Variants in CEP295 observed in about 807,000 individuals in gnomAD.
The protein encoded by CEP295 is centrosomal protein of 295 kDa.
In CEP295, 190 loss-of-function variants were observed where a neutral mutation model predicts 291.6. That is an observed-to-expected ratio of 0.65 (90% CI 0.58 to 0.73). The LOEUF (loss-of-function observed/expected upper bound fraction) is 0.73. Among genes scored for constraint, CEP295 ranks in the 30% least tolerant of loss-of-function variants. CEP295 has a pLI of 0.00. For synonymous variants in CEP295, 993 were observed against 1,038.8 expected, an observed-to-expected ratio of 0.96 and a Z score of 0.85; for missense variants, 2,863 against 2,949.4, an observed-to-expected ratio of 0.97 and a Z score of 0.68.
At chr11:93,713,546 A>G (rs1429136748) in intron 18 of CEP295, among the ~76,000 whole-genome samples, 1 of 152,088 alleles carries the variant, frequency 6.6e-6, no homozygotes, top group Non-Finnish European at 1.5e-5. Context: ...TTGGAGCTCC[A>G]TTGTATATTA....
chr11:93,662,224 C>G (rs191366629), intron 1 of CEP295, among the ~76,000 whole-genome samples: 13 of 152,366 alleles, frequency 8.5e-5, no homozygotes, highest in African/African-American at 2.6e-4. Flanking sequence ...AATCCTGTCA[C>G]AAACTCAACT....
intron 1 of CEP295, among the ~76,000 whole-genome samples, chr11:93,665,328 AT>A (rs916522318): frequency 9.2e-5 from 14 of 152,312 alleles, no homozygotes; most frequent in African/African-American, 3.4e-4. Flanking sequence ...TATTTATTCC[AT>A]TTCTTTTTGC....
rs1468892946 is a variant in CEP295, at chr11:93,729,322, G to A, written c.7303-112G>A. The A allele has an allele frequency of 1.1e-4, 82 of 730,036 alleles. No homozygotes were observed. In the Admixed American group the frequency reaches 1.9e-3, roughly 17 times the overall value. 45.2% of individuals were successfully genotyped at this position (730,036 alleles called of 1,614,324 possible). A position where few individuals can be genotyped will look rare whatever the true frequency, so the allele number is the denominator to read the frequency against. ...GGCGGGTCTCTGTAGACCCAGCTAA[G>A]ATTGAGGCTGCAGTGAGGTGTGATC... On this transcript the variant is annotated intron_variant, in intron 25 of 29. Coordinates refer to ENST00000325212, the MANE Select transcript of CEP295 (RefSeq NM_033395.2).
intron 5 of CEP295, 129 bp downstream of exon 5, chr11:93,669,899 G>T: frequency 1.7e-6 from 1 of 598,576 alleles, no homozygotes; most frequent in Non-Finnish European, 3.0e-6. Context: ...ACTTGTACAG[G>T]AGTATATCTG....
intron 10 of CEP295, 92 bp from the exon 11 acceptor site, chr11:93,691,591 G>A: frequency 1.3e-6 from 1 of 771,098 alleles, no homozygotes; most frequent in Non-Finnish European, 2.2e-6. Flanking sequence ...GATGGCCCTA[G>A]ATTGAATGTG....
rs535171330 is a variant in CEP295 at position 93,689,290 on chromosome 11, C to T, written c.1336+1425C>T. 2.0e-5 allele frequency among the ~76,000 whole-genome samples: 3 copies of T among 152,260 alleles called. No homozygotes were observed. The South Asian group carries it at 6.2e-4, about 32-fold the overall frequency. ...AAAACCAGAGAGTTTATAGTGGTTT[C>T]AAAGCCTTATGTGACCTGCACACAT... On this transcript the variant is annotated intron_variant, in intron 10 of 29. Coordinates refer to ENST00000325212, the MANE Select transcript of CEP295 (RefSeq NM_033395.2).
intron 1 of CEP295, among the ~76,000 whole-genome samples, chr11:93,665,115 CT>C (rs1462084731): frequency 1.3e-5 from 2 of 152,126 alleles, no homozygotes; most frequent in East Asian, 3.9e-4. Flanking sequence ...CTTAAGCCAG[CT>C]TTAGAAAGAT....
At chr11:93,684,413 A>G (rs1016182938) in intron 9 of CEP295, among the ~76,000 whole-genome samples, 1 of 152,156 alleles carries the variant, frequency 6.6e-6, no homozygotes, top group African/African-American at 2.4e-5. Context: ...TGCATGGTAA[A>G]CATATCTGAT....
In CEP295 at chr11:93,729,465, C is replaced by T; in HGVS notation, c.7334C>T (p.Thr2445Ile). 3.2e-6 allele frequency: 5 copies of T among 1,551,886 alleles called. No homozygotes were observed. The highest frequency in any genetic ancestry group is 3.5e-6 in the Non-Finnish European group (4 of 1,146,956). Residue 2445 changes from threonine (T) to isoleucine (I), a missense_variant, in exon 26 of 30, where the codon ACA becomes ATA. Coordinates refer to ENST00000325212, the MANE Select transcript of CEP295 (RefSeq NM_033395.2). Reference sequence around the variant, plus strand: ...GAGTTTCTGCCTCTTGTATCAGCAACAGAAGCCTCAGATTATCCAGCTGTA... The same window carrying T: ...GAGTTTCTGCCTCTTGTATCAGCAATAGAAGCCTCAGATTATCCAGCTGTA... ...VSEFLPLVSATEASDYPAVSE... is the reference protein window; with the variant it reads ...VSEFLPLVSAIEASDYPAVSE...
intron 18 of CEP295, among the ~76,000 whole-genome samples, chr11:93,713,444 G>C (rs1032480949): frequency 6.6e-6 from 1 of 152,084 alleles, no homozygotes. Flanking sequence ...CTTTACTTTT[G>C]AAGGATATTT....
intron 22 of CEP295, 75 bp from the exon 23 acceptor site, chr11:93,725,576 A>G (rs563367196): frequency 3.2e-5 from 39 of 1,219,022 alleles, no homozygotes; most frequent in Admixed American, 1.6e-4. Context: ...GTAATACCAA[A>G]GGAACACAAT....
rs1405845860 is a variant in CEP295 at position 93,730,319 on chromosome 11, G to A, written c.*50G>A. 7.9e-7 allele frequency: 1 copy of A among 1,259,526 alleles called. No homozygotes were observed. The highest frequency in any genetic ancestry group is 1.5e-5 in the African/African-American group (1 of 66,642). The allele number at this position is 1,259,526 out of a possible 1,614,324, so 78.0% of individuals were successfully genotyped here. On this transcript the variant is annotated 3_prime_UTR_variant, in exon 30 of 30. Coordinates refer to ENST00000325212, the MANE Select transcript of CEP295 (RefSeq NM_033395.2). ...TTTTAATTGTGTATATGTAGCATTA[G>A]ACAAAATTATTTAAAGTCAATAAAT...
At chr11:93,665,363 G>A (rs1256657844) in intron 1 of CEP295, among the ~76,000 whole-genome samples, 1 of 152,164 alleles carries the variant, frequency 6.6e-6, no homozygotes, top group Non-Finnish European at 1.5e-5. Flanking sequence ...ATAGGAGCAT[G>A]TTATAATCTA....
chr11:93,706,694 T>G (rs1591093980), intron 17 of CEP295, 51 bp from the exon 18 acceptor site: 3 of 1,443,400 alleles, frequency 2.1e-6, no homozygotes, highest in Non-Finnish European at 2.8e-6. Context: ...ACTTTAGTTC[T>G]AGCTATTAAT....
intron 19 of CEP295, chr11:93,721,708 A>G (rs547848947): frequency 2.8e-6 from 2 of 706,090 alleles, no homozygotes; most frequent in Non-Finnish European, 5.2e-6. Flanking sequence ...GTGTACGCAC[A>G]TGTGTTTATA....
intron 17 of CEP295, among the ~76,000 whole-genome samples, chr11:93,704,731 C>T (rs1952409670): frequency 6.6e-6 from 1 of 152,082 alleles, no homozygotes; most frequent in Non-Finnish European, 1.5e-5. Context: ...TAGCCTTTAC[C>T]ATACTTCTTA....
chr11:93,714,515 C>G (rs1370125259), intron 18 of CEP295, among the ~76,000 whole-genome samples: 1 of 152,228 alleles, frequency 6.6e-6, no homozygotes, highest in Non-Finnish European at 1.5e-5. Flanking sequence ...TCCCAAAATG[C>G]TGGGATTACA....
intron 6 of CEP295, among the ~76,000 whole-genome samples, chr11:93,678,758 A>T (rs1950821102): frequency 6.6e-6 from 1 of 152,176 alleles, no homozygotes; most frequent in Admixed American, 6.5e-5. Context: ...TTAAAAAAAA[A>T]AGTAAATCCA....
chr11:93,695,747 A>C lies in CEP295; in HGVS notation c.1671+113A>C. ...AATGGATGGCTGGGCGCGGTGGCTCATGCCTGTAATCTCAGCACTTTGGGT... is the reference window on the plus strand; with the variant it reads ...AATGGATGGCTGGGCGCGGTGGCTCCTGCCTGTAATCTCAGCACTTTGGGT... On this transcript the variant is annotated intron_variant, in intron 13 of 29. Coordinates refer to ENST00000325212, the MANE Select transcript of CEP295 (RefSeq NM_033395.2). The C allele has an allele frequency of 3.2e-6, 4 of 1,256,478 alleles. No individual in the cohort carries two copies. The South Asian group carries it at 4.9e-5, about 15-fold the overall frequency. 77.8% of individuals were successfully genotyped at this position (1,256,478 alleles called of 1,614,324 possible).
Sources: allele counts gnomAD v4.1 joint callset (sites outside exome capture counted in the v4.1 genomes callset), GRCh38; gene constraint gnomAD v4.1.1; transcripts MANE v1.5; gene names NCBI Gene and HGNC (gene_info 2026-07-23, HGNC 2026-07-21).